The following IL31RA variants were observed in gnomAD, a reference collection of about 807,000 sequenced individuals.
IL31RA encodes the protein interleukin-31 receptor subunit alpha.
In IL31RA, 66 loss-of-function variants were observed where a neutral mutation model predicts 83.7. The ratio of observed to expected loss-of-function variants is 0.79; its 90% CI spans 0.65 to 0.97. The LOEUF (loss-of-function observed/expected upper bound fraction) is 0.97. Among genes scored for constraint, IL31RA ranks in the 50% least tolerant of loss-of-function variants. The pLI, the probability that IL31RA is intolerant of heterozygous loss-of-function variation, is 0.00. For missense variants in IL31RA, 798 were observed against 919.4 expected, an observed-to-expected ratio of 0.87 and a Z score of 1.71; for synonymous variants, 325 against 329.0, an observed-to-expected ratio of 0.99 and a Z score of 0.13.
rs1053571404 is a variant in IL31RA, at chr5:55,918,552, C to T, written c.*1432C>T. ...CCTGCCTGGGACTGGCTCTGAGTGC[C>T]GAGGATGTTCAATGGCGCAGCGTGC... On this transcript the variant is annotated 3_prime_UTR_variant, in exon 15 of 15. Transcript: ENST00000652347. Among the ~76,000 whole-genome samples the T allele has an allele frequency of 1.3e-5, 2 of 152,054 alleles. No homozygotes were observed. The highest frequency in any genetic ancestry group is 6.5e-5 in the Admixed American group (1 of 15,270).
Position 55,898,178 on chromosome 5 carries a change from C to A in IL31RA, c.853-1738C>A, listed in dbSNP as rs78933101. On this transcript the variant is annotated intron_variant, in intron 7 of 14. Transcript: ENST00000652347. ...CACATTTTTGGGGGAGGAAAGCCAA[C>A]AACCTCACACGCCCACATGTGGTCT... is the stretch of plus-strand genomic sequence containing the variant. Among the ~76,000 whole-genome samples the A allele has an allele frequency of 4.8e-3, 735 of 152,312 alleles. 9 individuals carry two copies. Among genetic ancestry groups the A allele is most frequent in the African/African-American group, 0.017 (709 of 41,562 alleles).
chr5:55,886,267 G>GTTTTTTTTTTTTTTTT (rs1747599002), intron 5 of IL31RA, among the ~76,000 whole-genome samples: 1 of 109,704 alleles, frequency 9.1e-6, no homozygotes. Context: ...TTGCTTGCTT[G>GTTTTTTTTTTTTTTTT]CTTTTTTTTT....
intron 2 of IL31RA, among the ~76,000 whole-genome samples, chr5:55,867,233 TTG>T (rs35642963): frequency 0.65 from 70,318 of 108,280 alleles, 22,461 homozygotes; most frequent in Middle Eastern, 0.72. Context: ...GTGTGTGTGT[TTG>T]TGTGTGTGTT....
chr5:55,899,227 A>G (rs977920616), intron 7 of IL31RA, among the ~76,000 whole-genome samples: 2 of 152,288 alleles, frequency 1.3e-5, no homozygotes, highest in South Asian at 2.1e-4. Flanking sequence ...ATTACGCTCC[A>G]TCTATGTGTA....
intron 4 of IL31RA, among the ~76,000 whole-genome samples, chr5:55,876,440 C>T (rs1384909678): frequency 5.3e-5 from 8 of 152,140 alleles, no homozygotes; most frequent in Non-Finnish European, 1.0e-4. Flanking sequence ...AATTGAGATA[C>T]GTCCTTCCTA....
intron 2 of IL31RA, among the ~76,000 whole-genome samples, chr5:55,860,096 C>T (rs1745583532): frequency 6.6e-6 from 1 of 152,172 alleles, no homozygotes. Flanking sequence ...AGGTCTGGCA[C>T]AGTGGCTCAT....
chr5:55,918,000 G>C lies in IL31RA; in HGVS notation c.*880G>C, dbSNP rs1163732320. 6.6e-6 allele frequency among the ~76,000 whole-genome samples: 1 copy of C among 152,244 alleles called. No homozygotes were observed. Among genetic ancestry groups the C allele is most frequent in the Non-Finnish European group, 1.5e-5 (1 of 68,044 alleles). On this transcript the variant is annotated 3_prime_UTR_variant, in exon 15 of 15. Coordinates refer to ENST00000652347, the MANE Select transcript of IL31RA (RefSeq NM_139017.7). ...GCCTCTTCCCGGAAGCAGCAGGGCA[G>C]GGCCTGGGAACATGCAATGCCTAGC...
chr5:55,872,045 T>A (rs1219688246), intron 3 of IL31RA, among the ~76,000 whole-genome samples: 3 of 151,558 alleles, frequency 2.0e-5, no homozygotes, highest in Admixed American at 6.6e-5. Context: ...TCCAAAGAGG[T>A]TTTCATGGCT....
upstream of IL31RA, among the ~76,000 whole-genome samples, chr5:55,851,095 CAGAAGAAAAAAA>C (rs1157552226): frequency 1.3e-5 from 2 of 148,228 alleles, no homozygotes; most frequent in Admixed American, 1.3e-4. Flanking sequence ...AACTCTGTCT[CAGAAGAAAAAAA>C]AAAAGAAAAA....
At chr5:55,885,183 G>C (rs1004804743) in intron 5 of IL31RA, among the ~76,000 whole-genome samples, 1 of 151,934 alleles carries the variant, frequency 6.6e-6, no homozygotes, top group Non-Finnish European at 1.5e-5. Context: ...GCTATCATGC[G>C]ACCCTTTCCC....
chr5:55,884,906 T>G (rs1747488693), intron 5 of IL31RA, among the ~76,000 whole-genome samples: 1 of 152,238 alleles, frequency 6.6e-6, no homozygotes, highest in South Asian at 2.1e-4. Context: ...CCAGCCTATT[T>G]AGAATCCTGT....
At position 55,889,960 on chromosome 5, in the gene IL31RA, T is replaced by C. The variant is rs1052300465; in HGVS notation, c.607-10T>C. ...CTCCATTTCAGTTTAGGATTGTCTC[T>C]GTCTTGTAGATGGAAGTCAACTTCG... On this transcript the variant is annotated splice_polypyrimidine_tract_variant and intron_variant, in intron 5 of 14. Transcript: ENST00000652347. 3.7e-6 allele frequency: 6 copies of C among 1,613,902 alleles called. No individual in the cohort carries two copies. Among genetic ancestry groups the C allele is most frequent in the African/African-American group, 1.3e-5 (1 of 75,046 alleles).
upstream of IL31RA, among the ~76,000 whole-genome samples, chr5:55,848,889 A>G (rs899252506): frequency 3.3e-5 from 5 of 152,220 alleles, no homozygotes; most frequent in African/African-American, 1.2e-4. Context: ...GGAATAAAGA[A>G]AGAAAAAAAT....
rs1227151592 is a variant in IL31RA, at chr5:55,906,309, A to G, written c.1252+21A>G. On this transcript the variant is annotated intron_variant, in intron 9 of 14. Coordinates refer to ENST00000652347, the MANE Select transcript of IL31RA (RefSeq NM_139017.7). ...GCAAGGTAGCCAGGGCGGAACTCAC[A>G]GGTTCCCTCAGTGCAGGGTTTGGTT... 1.3e-5 allele frequency: 21 copies of G among 1,611,336 alleles called. No individual in the cohort carries two copies. In the East Asian group the frequency reaches 4.0e-4, roughly 31 times the overall value.
At chr5:55,916,606 C>A (rs1251524390) in intron 14 of IL31RA, 38 bp from the exon 15 acceptor site, 1 of 1,585,530 alleles carries the variant, frequency 6.3e-7, no homozygotes, top group Non-Finnish European at 8.7e-7. Context: ...TATGTGACTC[C>A]TAAATGACCA....
rs139056151 is a variant in IL31RA, at chr5:55,899,685, A to G, written c.853-231A>G. On this transcript the variant is annotated intron_variant, in intron 7 of 14. Coordinates refer to ENST00000652347, the MANE Select transcript of IL31RA (RefSeq NM_139017.7). Reference sequence around the variant, plus strand: ...TTTACATTGTTTTGGGCATTCTTCTAGTTTAGCCTCATGGAATTAGATGAA... The same window carrying G: ...TTTACATTGTTTTGGGCATTCTTCTGGTTTAGCCTCATGGAATTAGATGAA... Among the ~76,000 whole-genome samples the G allele has an allele frequency of 4.9e-4, 75 of 152,306 alleles. 2 individuals carry two copies. The East Asian group carries it at 0.014, about 29-fold the overall frequency.
At chr5:55,896,144 TA>T (rs1748317762) in intron 6 of IL31RA, among the ~76,000 whole-genome samples, 3 of 152,320 alleles carry the variant, frequency 2.0e-5, no homozygotes, top group Admixed American at 2.0e-4. Flanking sequence ...AGAGCAGTTT[TA>T]TTTTTTTATC....
At chr5:55,853,752 C>G (rs1745197256) in intron 1 of IL31RA, among the ~76,000 whole-genome samples, 1 of 152,078 alleles carries the variant, frequency 6.6e-6, no homozygotes, top group African/African-American at 2.4e-5. Flanking sequence ...ATGCTGAGAT[C>G]AGAATGGAGA....
chr5:55,860,816 A>T (rs956676673), intron 2 of IL31RA, among the ~76,000 whole-genome samples: 1 of 152,200 alleles, frequency 6.6e-6, no homozygotes, highest in Non-Finnish European at 1.5e-5. Flanking sequence ...GGCTGCCATA[A>T]CAAAATACCT....
Sources: allele counts gnomAD v4.1 joint callset (sites outside exome capture counted in the v4.1 genomes callset), GRCh38; gene constraint gnomAD v4.1.1; transcripts MANE v1.5; gene names NCBI Gene and HGNC (gene_info 2026-07-23, HGNC 2026-07-21).